Variants in FGF13 observed in about 807,000 individuals in gnomAD.
The protein encoded by FGF13 is fibroblast growth factor homologous factor 2.
FGF13 carries 2 observed loss-of-function variants against 19.5 expected under a neutral mutation model. The ratio of observed to expected loss-of-function variants is 0.10; its 90% CI spans 0.04 to 0.32. FGF13 has a LOEUF of 0.32. Ranked by LOEUF, FGF13 falls within the 10% of genes least tolerant of loss-of-function variation. FGF13 has a pLI of 1.00. For synonymous variants in FGF13, 72 were observed against 76.9 expected, an observed-to-expected ratio of 0.94 and a Z score of 0.33; for missense variants, 113 against 192.7, an observed-to-expected ratio of 0.59 and a Z score of 2.45.
chrX:139,088,631 C>T (rs1051685277), intron 1 of FGF13, among the ~76,000 whole-genome samples: 10 of 110,746 alleles, frequency 9.0e-5, no homozygotes, highest in African/African-American at 3.3e-4. Context: ...TTTGAAAGGA[C>T]TGCCAGTGAT....
At chrX:139,004,691 G>C (rs2054861824) in intron 1 of FGF13, among the ~76,000 whole-genome samples, 1 of 112,246 alleles carries the variant, frequency 8.9e-6, no homozygotes, top group African/African-American at 3.2e-5. Context: ...CCCTGGGCCA[G>C]AGAGGAGCCC....
intron 1 of FGF13, among the ~76,000 whole-genome samples, chrX:138,950,226 A>G (rs1015446181): frequency 1.8e-5 from 2 of 110,865 alleles, no homozygotes; most frequent in South Asian, 3.7e-4. Flanking sequence ...TTCTGTGAGT[A>G]CCATTCCTGA....
chrX:139,174,743 C>T (rs745556416), intron 1 of FGF13, among the ~76,000 whole-genome samples: 1 of 111,777 alleles, frequency 8.9e-6, no homozygotes, highest in Admixed American at 9.5e-5. Context: ...CTGTTCTGTT[C>T]CATTGGTCTA....
chrX:138,627,056 C>A lies in FGF13; in HGVS notation c.*5794G>T, dbSNP rs2089069408. The A allele has an allele frequency of 9.0e-6, 1 of 111,690 alleles. No individual in the cohort carries two copies. The highest frequency in any genetic ancestry group is 3.2e-5 in the African/African-American group (1 of 30,779). The allele number at this position is 111,690 out of a possible 1,213,427, so 9.2% of individuals were successfully genotyped here. Reference sequence around the variant, plus strand: ...GAACATAAAACTGAATAGTTACTTGCAATTGGAGTTCCACTTTATTAATCG... The same window carrying A: ...GAACATAAAACTGAATAGTTACTTGAAATTGGAGTTCCACTTTATTAATCG... On this transcript the variant is annotated 3_prime_UTR_variant, in exon 5 of 5. Transcript: ENST00000315930.
intron 1 of FGF13, among the ~76,000 whole-genome samples, chrX:138,904,098 T>C (rs943696696): frequency 4.5e-5 from 5 of 111,902 alleles, no homozygotes; most frequent in African/African-American, 1.6e-4. Context: ...TCCCAGAGCT[T>C]TAGAAAAGAG....
At chrX:138,989,925 C>G (rs1378156924) in intron 1 of FGF13, among the ~76,000 whole-genome samples, 1 of 111,353 alleles carries the variant, frequency 9.0e-6, no homozygotes, top group South Asian at 3.8e-4. Context: ...CCCAAATAAG[C>G]TATAATATCC....
At chrX:138,649,837 C>T (rs1286240708) in intron 3 of FGF13, among the ~76,000 whole-genome samples, 1 of 112,318 alleles carries the variant, frequency 8.9e-6, no homozygotes, top group African/African-American at 3.2e-5. Context: ...GTCAGAACTC[C>T]TCTGAACAAC....
intron 3 of FGF13, among the ~76,000 whole-genome samples, chrX:138,800,443 G>A (rs911795339): frequency 2.7e-5 from 3 of 111,874 alleles, no homozygotes; most frequent in African/African-American, 6.5e-5. Flanking sequence ...ACAGAGATCC[G>A]CTGTTAGTCT....
At chrX:138,868,053 C>G (rs923776708) in intron 1 of FGF13, among the ~76,000 whole-genome samples, 3 of 111,383 alleles carry the variant, frequency 2.7e-5, no homozygotes, top group Admixed American at 9.6e-5. Flanking sequence ...ATCAAATTGA[C>G]TAATAGTATT....
upstream of FGF13, among the ~76,000 whole-genome samples, chrX:138,715,523 T>TAA (rs1315620146): frequency 1.8e-5 from 2 of 112,753 alleles, no homozygotes; most frequent in African/African-American, 3.2e-5. Context: ...GAGCTCATTG[T>TAA]ATGATTTCTT....
intron 1 of FGF13, among the ~76,000 whole-genome samples, chrX:139,081,723 CCTCTCT>C (rs754997120): frequency 4.0e-5 from 3 of 75,399 alleles, no homozygotes; most frequent in Non-Finnish European, 4.7e-5. Flanking sequence ...ATTCTTAATT[CCTCTCT>C]CTCTCTCTCT....
intron 1 of FGF13, among the ~76,000 whole-genome samples, chrX:139,160,088 A>G (rs2084016666): frequency 8.9e-6 from 1 of 111,896 alleles, no homozygotes; most frequent in South Asian, 3.7e-4. Flanking sequence ...ACATAATTGG[A>G]AGTAAAACAC....
At chrX:139,143,358 T>C (rs1333704424) in intron 1 of FGF13, among the ~76,000 whole-genome samples, 1 of 112,108 alleles carries the variant, frequency 8.9e-6, no homozygotes, top group Non-Finnish European at 1.9e-5. Flanking sequence ...CATTTACAGG[T>C]GTTCCACACT....
chrX:138,760,647 C>T (rs752223422), intron 3 of FGF13, among the ~76,000 whole-genome samples: 207 of 112,067 alleles, frequency 1.8e-3, no homozygotes, highest in African/African-American at 6.4e-3. Context: ...TCCACAAAAC[C>T]CTGTGAAGCT....
chrX:138,784,608 T>C (rs2090678349), intron 3 of FGF13, among the ~76,000 whole-genome samples: 1 of 111,234 alleles, frequency 9.0e-6, no homozygotes, highest in African/African-American at 3.3e-5. Context: ...CTTATTTCTC[T>C]ATTAGCCTAC....
At chrX:139,045,451 C>A (rs946542655) in intron 1 of FGF13, among the ~76,000 whole-genome samples, 6 of 112,592 alleles carry the variant, frequency 5.3e-5, no homozygotes, top group African/African-American at 1.9e-4. Context: ...AAGTGGCCTG[C>A]TAGAATACCT....
At chrX:138,865,133 A>T (rs1182819418) in intron 1 of FGF13, among the ~76,000 whole-genome samples, 7 of 111,797 alleles carry the variant, frequency 6.3e-5, no homozygotes, top group African/African-American at 2.3e-4. Context: ...GACTCTCCCA[A>T]GCTACTTGTC....
chrX:139,079,804 TA>T, intron 1 of FGF13, among the ~76,000 whole-genome samples: 1 of 111,397 alleles, frequency 9.0e-6, no homozygotes, highest in Non-Finnish European at 1.9e-5. Context: ...TGAATGTTGT[TA>T]GTCATACACT....
intron 1 of FGF13, among the ~76,000 whole-genome samples, chrX:138,938,615 C>T (rs1603048961): frequency 9.0e-6 from 1 of 111,420 alleles, no homozygotes; most frequent in Middle Eastern, 4.6e-3. Flanking sequence ...TAGCCCCTGG[C>T]ATAGTCTCAC....
Sources: allele counts gnomAD v4.1 joint callset (sites outside exome capture counted in the v4.1 genomes callset), GRCh38; gene constraint gnomAD v4.1.1; transcripts MANE v1.5; gene names NCBI Gene and HGNC (gene_info 2026-07-23, HGNC 2026-07-21).